The following ANKS1B variants were observed in gnomAD, a reference collection of about 807,000 sequenced individuals.
ANKS1B encodes the protein ankyrin repeat and sterile alpha motif domain-containing protein 1B.
ANKS1B carries 36 observed loss-of-function variants against 148.3 expected under a neutral mutation model. The ratio of observed to expected loss-of-function variants is 0.24; its 90% CI spans 0.19 to 0.32. The LOEUF is 0.32. Among genes scored for constraint, ANKS1B ranks in the 10% least tolerant of loss-of-function variants. The pLI is 1.00. For missense variants in ANKS1B, 1,157 were observed against 1,542.6 expected (o/e 0.75, Z 4.19); for synonymous variants, 542 against 560.8 (o/e 0.97, Z 0.47).
chr12:98,804,833 A>G (rs1661767483), intron 20 of ANKS1B, among the ~76,000 whole-genome samples: 1 of 152,212 alleles, frequency 6.6e-6, no homozygotes, highest in South Asian at 2.1e-4. Flanking sequence ...TGTCTACATA[A>G]TACTTGCATC....
intron 8 of ANKS1B, among the ~76,000 whole-genome samples, chr12:99,656,941 T>C (rs2098452466): frequency 1.3e-5 from 2 of 152,164 alleles, no homozygotes; most frequent in South Asian, 4.1e-4. Context: ...AATATAAGAT[T>C]TTATTTTTCC....
At chr12:99,114,099 G>C (rs1379440786) in intron 15 of ANKS1B, among the ~76,000 whole-genome samples, 1 of 152,174 alleles carries the variant, frequency 6.6e-6, no homozygotes, top group Non-Finnish European at 1.5e-5. Flanking sequence ...GAAACTTTGT[G>C]ATAACCTCAG....
At chr12:99,894,636 C>A (rs1386416740) in intron 1 of ANKS1B, among the ~76,000 whole-genome samples, 1 of 140,562 alleles carries the variant, frequency 7.1e-6, no homozygotes, top group East Asian at 1.9e-4. Flanking sequence ...CCTATACAAC[C>A]ATTTTGTTTC....
At chr12:98,882,194 C>T (rs1010836587) in intron 17 of ANKS1B, among the ~76,000 whole-genome samples, 2 of 151,970 alleles carry the variant, frequency 1.3e-5, no homozygotes, top group African/African-American at 4.8e-5. Flanking sequence ...ACAAACAAAA[C>T]GATAAATTCT....
intron 9 of ANKS1B, among the ~76,000 whole-genome samples, chr12:99,539,372 G>A (rs1422182928): frequency 2.0e-5 from 3 of 151,994 alleles, no homozygotes; most frequent in African/African-American, 7.2e-5. Flanking sequence ...GGAAATATTG[G>A]GGCAAAGTTT....
intron 17 of ANKS1B, among the ~76,000 whole-genome samples, chr12:98,914,676 A>C (rs897534861): frequency 6.6e-6 from 1 of 151,496 alleles, no homozygotes; most frequent in Non-Finnish European, 1.5e-5. Context: ...GCATTTTTCT[A>C]CATCGGGGTG....
intron 14 of ANKS1B, among the ~76,000 whole-genome samples, chr12:99,166,222 C>T (rs1194100317): frequency 6.6e-6 from 1 of 151,306 alleles, no homozygotes; most frequent in Non-Finnish European, 1.5e-5. Context: ...GCAAGGATGT[C>T]CATTCTCAAC....
chr12:99,806,198 C>T (rs1324269265), intron 4 of ANKS1B, among the ~76,000 whole-genome samples: 1 of 152,168 alleles, frequency 6.6e-6, no homozygotes, highest in East Asian at 1.9e-4. Flanking sequence ...GTGTATAGCC[C>T]TCAAATTAGA....
chr12:99,045,434 G>A (rs111413917), intron 17 of ANKS1B, among the ~76,000 whole-genome samples: 16 of 152,170 alleles, frequency 1.1e-4, no homozygotes, highest in East Asian at 3.9e-4. Context: ...AGGTCATTCC[G>A]CTTATTAAAA....
At chr12:98,897,816 T>C (rs1447132574) in intron 17 of ANKS1B, among the ~76,000 whole-genome samples, 2 of 152,206 alleles carry the variant, frequency 1.3e-5, no homozygotes, top group Non-Finnish European at 2.9e-5. Context: ...GGAATCAACC[T>C]GTGTCTATCA....
chr12:99,727,195 A>G (rs1319534861), intron 8 of ANKS1B, among the ~76,000 whole-genome samples: 15 of 152,134 alleles, frequency 9.9e-5, no homozygotes, highest in Admixed American at 9.8e-4. Context: ...AGAGGAAGTC[A>G]TATTGTCCCT....
intron 17 of ANKS1B, among the ~76,000 whole-genome samples, chr12:99,051,120 CA>C (rs932292225): frequency 6.6e-6 from 1 of 152,168 alleles, no homozygotes; most frequent in African/African-American, 2.4e-5. Flanking sequence ...CAGCTGTCTA[CA>C]AGGTCTGGCT....
chr12:99,502,770 A>C (rs911502249), intron 10 of ANKS1B, among the ~76,000 whole-genome samples: 4 of 152,178 alleles, frequency 2.6e-5, no homozygotes, highest in Non-Finnish European at 5.9e-5. Flanking sequence ...CACATAATAA[A>C]TGCTCAATAA....
At chr12:99,164,849 A>G (rs2077046379) in intron 14 of ANKS1B, among the ~76,000 whole-genome samples, 1 of 152,022 alleles carries the variant, frequency 6.6e-6, no homozygotes, top group Admixed American at 6.6e-5. Context: ...TCTTTATTTA[A>G]TATTTATGTT....
At chr12:99,700,116 A>G (rs2054573514) in intron 8 of ANKS1B, among the ~76,000 whole-genome samples, 1 of 152,168 alleles carries the variant, frequency 6.6e-6, no homozygotes, top group African/African-American at 2.4e-5. Flanking sequence ...AAAATATCAA[A>G]AAAATTAACA....
intron 8 of ANKS1B, among the ~76,000 whole-genome samples, chr12:99,755,173 C>A (rs2061452615): frequency 8.3e-6 from 1 of 120,174 alleles, no homozygotes; most frequent in Non-Finnish European, 1.8e-5. Context: ...GGGGATATTA[C>A]CCCGACCCCA....
intron 14 of ANKS1B, among the ~76,000 whole-genome samples, chr12:99,163,663 C>T (rs572026859): frequency 6.6e-6 from 1 of 152,208 alleles, no homozygotes; most frequent in African/African-American, 2.4e-5. Context: ...AACTACTGAT[C>T]TGTGTCCATC....
intron 9 of ANKS1B, among the ~76,000 whole-genome samples, chr12:99,563,000 C>G (rs2097352776): frequency 6.6e-6 from 1 of 152,130 alleles, no homozygotes; most frequent in South Asian, 2.1e-4. Context: ...CATGAACCAA[C>G]CTGCTAGTTT....
intron 17 of ANKS1B, among the ~76,000 whole-genome samples, chr12:98,841,502 G>A (rs973927552): frequency 3.9e-5 from 6 of 152,114 alleles, no homozygotes; most frequent in African/African-American, 1.2e-4. Flanking sequence ...AGCCAATTCT[G>A]TTTCTGTCAG....
Sources: gnomAD v4.1 joint callset for allele counts (sites outside exome capture counted in the v4.1 genomes callset) on GRCh38, gnomAD v4.1.1 for gene constraint, MANE v1.5 for transcripts, NCBI Gene and HGNC (gene_info 2026-07-23, HGNC 2026-07-21) for gene names.